ZNF547: variants seen among roughly 807,000 people sequenced by gnomAD.
The protein encoded by ZNF547 is zinc finger protein 547.
In ZNF547, 4 loss-of-function variants were observed where a neutral mutation model predicts 7.7. That is an observed-to-expected ratio of 0.52 (90% CI 0.26 to 1.20). ZNF547 has a LOEUF of 1.20. Among genes scored for constraint, ZNF547 ranks in the 50% most tolerant of loss-of-function variants. The pLI is 0.14. For synonymous variants in ZNF547, 166 were observed against 166.2 expected, an observed-to-expected ratio of 1.00 and a Z score of 0.01; for missense variants, 449 against 485.8, an observed-to-expected ratio of 0.92 and a Z score of 0.71.
chr19:57,377,405 TG>T lies in ZNF547; in HGVS notation c.430del (p.Val144Ter). 1 of 1,614,254 alleles carries T rather than the reference TG, an allele frequency of 6.2e-7. No homozygotes were observed. Among genetic ancestry groups the T allele is most frequent in the Non-Finnish European group, 8.5e-7 (1 of 1,180,048 alleles). ...SRGDGGRPTF[V>X]KNHRVHMAGK... Reference sequence around the variant, plus strand: ...GAGGGGATGGAGGAAGACCGACATTTGTGAAGAACCACAGAGTTCACATGGC... The same window carrying T: ...GAGGGGATGGAGGAAGACCGACATTTTGAAGAACCACAGAGTTCACATGGC... On this transcript the variant is annotated frameshift_variant, in exon 4 of 4. Coordinates refer to ENST00000282282, the MANE Select transcript of ZNF547 (RefSeq NM_173631.4). LOFTEE classifies it low-confidence loss of function (END_TRUNC).
At chr19:57,371,087 G>A (rs1391802223) in intron 2 of ZNF547, 1 of 152,218 alleles carries the variant, frequency 6.6e-6, no homozygotes, top group East Asian at 1.9e-4. Flanking sequence ...AAGTAGCTAG[G>A]ACTACAGGCA....
intron 3 of ZNF547, 73 bp from the exon 4 acceptor site, chr19:57,377,055 C>T: frequency 6.9e-7 from 1 of 1,441,770 alleles, no homozygotes; most frequent in Non-Finnish European, 9.5e-7. Context: ...GGGTGTCTGA[C>T]TGACATTTGT....
intron 3 of ZNF547, among the ~76,000 whole-genome samples, chr19:57,375,410 G>T (rs769957210): frequency 8.1e-5 from 11 of 136,528 alleles, no homozygotes; most frequent in South Asian, 2.1e-4. Context: ...CAGCACCTTG[G>T]GGGGGCTGAG....
chr19:57,377,929 A>G lies in ZNF547; in HGVS notation c.953A>G (p.His318Arg). ...RSTLSRHQRV[H>R]TGERPYECNE... is the part of the protein sequence containing the mutation. ...ACACTCAGTAGACATCAGAGAGTTC[A>G]CACTGGAGAAAGGCCTTATGAGTGC... The change falls in exon 4 of 4, where the codon CAC (histidine) becomes CGC (arginine). Residue 318 changes from histidine to arginine, a missense_variant. By Grantham distance (29) the His-to-Arg change is conservative. Transcript: ENST00000282282. 6.2e-7 allele frequency: 1 copy of G among 1,614,186 alleles called. No homozygotes were observed. Among genetic ancestry groups the G allele is most frequent in the South Asian group, 1.1e-5 (1 of 91,078 alleles).
At chr19:57,365,769 A>C (rs1190901512) in intron 1 of ZNF547, among the ~76,000 whole-genome samples, 1 of 151,516 alleles carries the variant, frequency 6.6e-6, no homozygotes, top group African/African-American at 2.4e-5. Flanking sequence ...GGCCTCCCAA[A>C]GTGCTGGGAT....
At chr19:57,375,391 C>G (rs975337979) in intron 3 of ZNF547, among the ~76,000 whole-genome samples, 2 of 150,618 alleles carry the variant, frequency 1.3e-5, no homozygotes, top group African/African-American at 5.0e-5. Flanking sequence ...TGGCCCACTC[C>G]GGTAATCCCA....
chr19:57,365,655 A>C (rs1286689325), intron 1 of ZNF547, among the ~76,000 whole-genome samples: 1 of 150,828 alleles, frequency 6.6e-6, no homozygotes, highest in Non-Finnish European at 1.5e-5. Context: ...ACAGGCTCCC[A>C]CCACCATGCC....
rs772779827 is a variant in ZNF547, at chr19:57,377,723, T to A, written c.747T>A (p.Phe249Leu). 5.0e-6 allele frequency: 8 copies of A among 1,612,860 alleles called. No homozygotes were observed. In the East Asian group the frequency reaches 1.8e-4, roughly 36 times the overall value. Residue 249 changes from phenylalanine to leucine, a missense_variant, in exon 4 of 4, where the codon TTT becomes TTA. Coordinates refer to ENST00000282282, the MANE Select transcript of ZNF547 (RefSeq NM_173631.4). Reference protein sequence around the residue: ...PYECSECGKLFMWSSTLITHQ... With the variant: ...PYECSECGKLLMWSSTLITHQ... ...AGTGCAGTGAATGTGGGAAATTGTT[T>A]ATGTGGAGTTCCACACTCATTACAC...
At chr19:57,370,338 T>C (rs2088497209) in intron 2 of ZNF547, among the ~76,000 whole-genome samples, 1 of 152,166 alleles carries the variant, frequency 6.6e-6, no homozygotes, top group Admixed American at 6.5e-5. Context: ...CAGGGCCATG[T>C]AGGGAACCTT....
intron 1 of ZNF547, chr19:57,368,233 A>G (rs2088482309): frequency 3.7e-6 from 1 of 271,764 alleles, no homozygotes; most frequent in African/African-American, 2.2e-5. Flanking sequence ...ATAGTAAACC[A>G]TTAATCCAAG....
chr19:57,375,745 C>T (rs925520589), intron 3 of ZNF547, among the ~76,000 whole-genome samples: 8 of 151,778 alleles, frequency 5.3e-5, no homozygotes, highest in Non-Finnish European at 8.8e-5. Flanking sequence ...CTCACAGTTC[C>T]GCATGGTTGG....
At position 57,377,287 on chromosome 19, in the gene ZNF547, A is replaced by C; in HGVS notation, c.311A>C (p.Glu104Ala). The C allele has an allele frequency of 6.2e-7, 1 of 1,614,214 alleles. No homozygotes were observed. The highest frequency in any genetic ancestry group is 2.2e-5 in the East Asian group (1 of 44,878). Residue 104 changes from glutamate to alanine, a missense_variant, in exon 4 of 4, where the codon GAG (glutamate) becomes GCG (alanine). By Grantham distance (107) the Glu-to-Ala change is moderately radical (BLOSUM62 -1). Transcript: ENST00000282282. ...CTGAAGGACATTCTGCGTCTGGCTG[A>C]GCATGACGGAACACACCCCGAGCAG... ...SLLKDILRLA[E>A]HDGTHPEQGL...
chr19:57,375,163 A>T (rs1301360987), intron 3 of ZNF547, among the ~76,000 whole-genome samples: 2 of 152,068 alleles, frequency 1.3e-5, no homozygotes, highest in African/African-American at 4.8e-5. Flanking sequence ...CAGCCTGGCC[A>T]ATATGGTGAA....
At chr19:57,368,450 T>C (rs1382201423) in intron 1 of ZNF547, 94 bp from the exon 2 acceptor site, 10 of 1,174,080 alleles carry the variant, frequency 8.5e-6, no homozygotes, top group Non-Finnish European at 1.1e-5. Context: ...GAGATCAGTT[T>C]GCTTTAGGGT....
intron 3 of ZNF547, among the ~76,000 whole-genome samples, chr19:57,373,885 C>T (rs1390174898): frequency 6.6e-6 from 1 of 152,170 alleles, no homozygotes; most frequent in Non-Finnish European, 1.5e-5. Flanking sequence ...CATGGGCTGG[C>T]ATTGAGTGTC....
At chr19:57,364,576 A>T (rs1192937244) in intron 1 of ZNF547, 13 of 534,618 alleles carry the variant, frequency 2.4e-5, no homozygotes, top group Middle Eastern at 5.1e-4. Context: ...CCCCGTCTTT[A>T]GTAAAAATAC....
chr19:57,365,048 T>A (rs567852089), intron 1 of ZNF547: 1 of 1,611,570 alleles, frequency 6.2e-7, no homozygotes, highest in East Asian at 2.2e-5. Context: ...GAGTGGTTTG[T>A]GTCAGCATTT....
intron 2 of ZNF547, among the ~76,000 whole-genome samples, chr19:57,369,899 C>CTTTGTTTT (rs2088493700): frequency 1.9e-5 from 1 of 51,678 alleles, no homozygotes; most frequent in Non-Finnish European, 3.3e-5. Flanking sequence ...ACTCACAGTT[C>CTTTGTTTT]TTTTTTTTTT....
intron 1 of ZNF547, among the ~76,000 whole-genome samples, chr19:57,367,119 A>G (rs1164136998): frequency 1.3e-5 from 2 of 152,210 alleles, no homozygotes; most frequent in Non-Finnish European, 1.5e-5. Flanking sequence ...GTTGTAAGGC[A>G]ATTTTTAGGG....
Sources: gnomAD v4.1 joint callset for allele counts (sites outside exome capture counted in the v4.1 genomes callset) on GRCh38, gnomAD v4.1.1 for gene constraint, MANE v1.5 for transcripts, NCBI Gene and HGNC (gene_info 2026-07-23, HGNC 2026-07-21) for gene names.